The following NUP85 variants were observed in gnomAD, a reference collection of about 807,000 sequenced individuals.
NUP85 encodes the protein nuclear pore complex protein Nup85.
NUP85 carries 23 observed loss-of-function variants against 92.8 expected under a neutral mutation model. The observed-to-expected ratio is 0.25, with a 90% CI of 0.18 to 0.35. NUP85 has a LOEUF of 0.35. Among genes scored for constraint, NUP85 ranks in the 10% least tolerant of loss-of-function variants. The probability of loss-of-function intolerance (pLI) is 1.00; values close to 1 mark genes in which losing one functional copy is unlikely to be tolerated. For synonymous variants in NUP85, 314 were observed against 306.9 expected (o/e 1.02, Z -0.24); for missense variants, 759 against 822.8 (o/e 0.92, Z 0.95).
Position 75,231,920 on chromosome 17 carries a change from C to T in NUP85, c.1337C>T (p.Thr446Ile). The T allele has an allele frequency of 6.2e-7, 1 of 1,614,200 alleles. No individual in the cohort carries two copies. Residue 446 changes from threonine (T) to isoleucine (I), a missense_variant, in exon 14 of 19, where the codon ACC (threonine) becomes ATC (isoleucine). Thr to Ile is a moderately conservative substitution (Grantham distance 89). Coordinates refer to ENST00000245544, the MANE Select transcript of NUP85 (RefSeq NM_024844.5). This position sits in a 1 kb window ranked among gnomAD's most constrained non-coding sequence, Gnocchi z 4.6. ...CACATTGAGCGGATACCTCTGAACACCGAGCAGAAAGCCCTGAAGGTGCTG... is the reference window on the plus strand; with the variant it reads ...CACATTGAGCGGATACCTCTGAACATCGAGCAGAAAGCCCTGAAGGTGCTG... ...ELHIERIPLN[T>I]EQKALKVLRI...
At chr17:75,224,894 G>C (rs961307629) in intron 7 of NUP85, among the ~76,000 whole-genome samples, 1 of 151,612 alleles carries the variant, frequency 6.6e-6, no homozygotes, top group Admixed American at 6.6e-5. Flanking sequence ...GAAAAACATA[G>C]TGGAGGTGAC....
chr17:75,220,274 G>T (rs1265387806), intron 7 of NUP85, among the ~76,000 whole-genome samples: 2 of 113,320 alleles, frequency 1.8e-5, no homozygotes, highest in African/African-American at 5.7e-5. Context: ...ACAGGCGCGC[G>T]TCACCATGCC....
At position 75,205,730 on chromosome 17, in the gene NUP85, G is replaced by C. The variant is rs201062090; in HGVS notation, c.-32G>C. ...GCCTGAGCGGGAAGCATTGGCGTCC[G>C]AGCGACTTCTAGGAGCCTGGGGTTC... is the stretch of plus-strand genomic sequence containing the variant. On this transcript the variant is annotated 5_prime_UTR_variant, in exon 1 of 19. Transcript: ENST00000245544. 2 of 1,613,960 alleles carry C rather than the reference G, an allele frequency of 1.2e-6. No homozygotes were observed. Among genetic ancestry groups the C allele is most frequent in the Non-Finnish European group, 1.7e-6 (2 of 1,179,980 alleles).
At chr17:75,208,396 G>C in intron 1 of NUP85, 131 bp from the exon 2 acceptor site, 1 of 674,894 alleles carries the variant, frequency 1.5e-6, no homozygotes, top group Non-Finnish European at 2.6e-6. Context: ...AGCAAGCTGA[G>C]ATTACACCAC....
intron 5 of NUP85, 98 bp downstream of exon 5, chr17:75,213,217 CTTCTT>C: frequency 1.9e-6 from 2 of 1,035,906 alleles, no homozygotes; most frequent in Non-Finnish European, 2.9e-6. Flanking sequence ...GCAGAAGTCT[CTTCTT>C]TTCAGGTAGA....
intron 7 of NUP85, among the ~76,000 whole-genome samples, chr17:75,224,329 G>C (rs572189130): frequency 1.6e-4 from 25 of 151,988 alleles, no homozygotes; most frequent in Non-Finnish European, 3.4e-4. Context: ...ACAGCTGTGA[G>C]CCACCACGCC....
At chr17:75,220,816 A>T (rs1372353561) in intron 7 of NUP85, among the ~76,000 whole-genome samples, 4 of 150,532 alleles carry the variant, frequency 2.7e-5, no homozygotes, top group African/African-American at 9.8e-5. Context: ...CATGTTGGTC[A>T]GGCTGGTCTT....
intron 14 of NUP85, 91 bp from the exon 15 acceptor site, chr17:75,232,760 A>G: frequency 9.2e-7 from 1 of 1,083,618 alleles, no homozygotes; most frequent in South Asian, 1.3e-5. Context: ...CGGTGGAGTG[A>G]GGCTGTGAGG....
Position 75,235,703 on chromosome 17 carries a change from T to G in NUP85, c.*24T>G. On this transcript the variant is annotated 3_prime_UTR_variant, in exon 19 of 19. Coordinates refer to ENST00000245544, the MANE Select transcript of NUP85 (RefSeq NM_024844.5). Reference sequence around the variant, plus strand: ...GAGAACTGCTTCAATGTGGTATCTTTGTATGGCAATGTATATAGATTTTTT... The same window carrying G: ...GAGAACTGCTTCAATGTGGTATCTTGGTATGGCAATGTATATAGATTTTTT... 1 of 1,453,530 alleles carries G rather than the reference T, an allele frequency of 6.9e-7. No individual in the cohort carries two copies. Among genetic ancestry groups the G allele is most frequent in the Non-Finnish European group, 9.6e-7 (1 of 1,045,612 alleles). The allele number at this position is 1,453,530 out of a possible 1,614,324, so 90.0% of individuals were successfully genotyped here. A position where few individuals can be genotyped will look rare whatever the true frequency, so the allele number is the denominator to read the frequency against.
chr17:75,227,354 A>C (rs977580243), intron 11 of NUP85, among the ~76,000 whole-genome samples: 2 of 57,476 alleles, frequency 3.5e-5, no homozygotes, highest in African/African-American at 1.3e-4. Context: ...TTTTTTTTTG[A>C]GACAGAGTTT....
intron 1 of NUP85, 129 bp downstream of exon 1, chr17:75,205,923 C>G: frequency 2.8e-6 from 3 of 1,087,728 alleles, no homozygotes; most frequent in Non-Finnish European, 4.1e-6. Context: ...TCAGTTGCCA[C>G]TTTTCCGGAG....
Position 75,235,713 on chromosome 17 carries a change from T to C in NUP85, c.*34T>C, listed in dbSNP as rs369071223. On this transcript the variant is annotated 3_prime_UTR_variant, in exon 19 of 19. Coordinates refer to ENST00000245544, the MANE Select transcript of NUP85 (RefSeq NM_024844.5). ...TCAATGTGGTATCTTTGTATGGCAA[T>C]GTATATAGATTTTTTTAAAAGAATA... 9 of 1,376,114 alleles carry C rather than the reference T, an allele frequency of 6.5e-6. No homozygotes were observed. Among genetic ancestry groups the C allele is most frequent in the Non-Finnish European group, 7.9e-6 (8 of 1,007,274 alleles). The allele number at this position is 1,376,114 out of a possible 1,614,324, so 85.2% of individuals were successfully genotyped here.
In NUP85 at chr17:75,205,761, T is replaced by C; in HGVS notation, c.-1T>C. The C allele has an allele frequency of 6.2e-7, 1 of 1,614,126 alleles. No individual in the cohort carries two copies. On this transcript the variant is annotated 5_prime_UTR_variant, in exon 1 of 19. Transcript: ENST00000245544. ...CTTCTAGGAGCCTGGGGTTCGGCGC[T>C]ATGGAGGAGCTCGATGGCGAGCCAA...
At chr17:75,208,853 T>C (rs1187257321) in intron 2 of NUP85, among the ~76,000 whole-genome samples, 1 of 152,152 alleles carries the variant, frequency 6.6e-6, no homozygotes, top group Non-Finnish European at 1.5e-5. Context: ...AGTGATCCTC[T>C]GCCTCAGTCT....
Position 75,233,074 on chromosome 17 carries a change from T to C in NUP85, c.1531T>C (p.Cys511Arg), listed in dbSNP as rs768682043. The C allele has an allele frequency of 2.5e-6, 4 of 1,614,088 alleles. No homozygotes were observed. The highest frequency in any genetic ancestry group is 1.7e-5 in the Admixed American group (1 of 60,002). The part of the protein sequence containing the change: ...LVSDRFLRDY[C>R]ERGCFSDLDL... ...GCCCTGCAGGTTCCTCAGGGATTAC[T>C]GTGAGCGAGGCTGCTTTTCTGATTT... Residue 511 changes from cysteine to arginine, a missense_variant, in exon 16 of 19, where the codon TGT becomes CGT. Transcript: ENST00000245544.
chr17:75,207,207 G>A (rs1013739930), intron 1 of NUP85, among the ~76,000 whole-genome samples: 3 of 151,152 alleles, frequency 2.0e-5, no homozygotes, highest in Non-Finnish European at 3.0e-5. Flanking sequence ...TCTTGAGGCG[G>A]AGTTTCCCTC....
At chr17:75,228,875 C>T (rs2075930109) in intron 11 of NUP85, 1 of 985,332 alleles carries the variant, frequency 1.0e-6, no homozygotes, top group Non-Finnish European at 1.2e-6. Flanking sequence ...TTCGTCAGCC[C>T]TGCTAAAGGG....
intron 5 of NUP85, among the ~76,000 whole-genome samples, chr17:75,214,999 G>T (rs916659737): frequency 4.0e-5 from 6 of 150,404 alleles, no homozygotes; most frequent in African/African-American, 1.5e-4. Context: ...GTGAAACCTC[G>T]TCTCTACTAA....
chr17:75,208,173 C>T (rs910920444), intron 1 of NUP85: 16 of 207,766 alleles, frequency 7.7e-5, no homozygotes, highest in African/African-American at 3.3e-4. Context: ...CGGTGGCTCG[C>T]GCCTGTAGTC....
Sources: gnomAD v4.1 joint callset for allele counts (sites outside exome capture counted in the v4.1 genomes callset) on GRCh38, gnomAD v4.1.1 for gene constraint, Gnocchi (gnomAD v3.1) non-coding constraint, MANE v1.5 for transcripts, NCBI Gene and HGNC (gene_info 2026-07-23, HGNC 2026-07-21) for gene names.